Variants in DLGAP1 observed in about 807,000 individuals in gnomAD.
DLGAP1 encodes disks large-associated protein 1.
DLGAP1 carries 11 observed loss-of-function variants against 90.8 expected under a neutral mutation model. The observed-to-expected ratio is 0.12, with a 90% CI of 0.08 to 0.20. The LOEUF (loss-of-function observed/expected upper bound fraction) is 0.20, where lower values mean the gene tolerates loss of function less well. Among genes scored for constraint, DLGAP1 ranks in the 10% least tolerant of loss-of-function variants. The pLI is 1.00. For synonymous variants in DLGAP1, 558 were observed against 540.7 expected (o/e 1.03, Z -0.44); for missense variants, 1,050 against 1,333.8 (o/e 0.79, Z 3.31).
intron 4 of DLGAP1, among the ~76,000 whole-genome samples, chr18:3,836,448 G>C (rs2148600002): frequency 6.6e-6 from 1 of 152,282 alleles, no homozygotes; most frequent in South Asian, 2.1e-4. Context: ...TTTCCTCTGA[G>C]CACTCATCAA....
Position 4,331,158 on chromosome 18 carries a change from G to A in DLGAP1, c.-267+123848C>T, listed in dbSNP as rs1448934088. 1.3e-5 allele frequency among the ~76,000 whole-genome samples: 2 copies of A among 151,708 alleles called. 1 individual carries two copies. Among genetic ancestry groups the A allele is most frequent in the African/African-American group, 4.9e-5 (2 of 41,088 alleles). On this transcript the variant is annotated intron_variant, in intron 1 of 12. Coordinates refer to ENST00000315677, the MANE Select transcript of DLGAP1 (RefSeq NM_004746.4). ...ATTTGACATTAACAAAGCCATCCTA[G>A]CTCTCTTTTGATTACTGCTTGTGTG... is the stretch of plus-strand genomic sequence containing the variant.
Position 3,630,409 on chromosome 18 carries a change from C to A in DLGAP1, c.1592-48161G>T, listed in dbSNP as rs146289496. Among the ~76,000 whole-genome samples, 194 of 152,220 alleles carry A rather than the reference C, an allele frequency of 1.3e-3. 4 individuals are homozygous for A. The highest frequency in any genetic ancestry group is 3.6e-3 in the African/African-American group (150 of 41,540). On this transcript the variant is annotated intron_variant, in intron 7 of 12. Transcript: ENST00000315677. Reference sequence around the variant, plus strand: ...CTCCTGGATTCAAGCTGGAAGTACACATCAGGTCTCCTGGGTCCTCAGCTT... The same window carrying A: ...CTCCTGGATTCAAGCTGGAAGTACAAATCAGGTCTCCTGGGTCCTCAGCTT...
chr18:4,427,187 G>A (rs1007014146), intron 1 of DLGAP1, among the ~76,000 whole-genome samples: 2 of 152,226 alleles, frequency 1.3e-5, no homozygotes, highest in African/African-American at 2.4e-5. Context: ...CAGAGAGACT[G>A]TTCCCGTGTG....
At chr18:4,116,061 T>C (rs1003856477) in intron 2 of DLGAP1, among the ~76,000 whole-genome samples, 2 of 152,208 alleles carry the variant, frequency 1.3e-5, no homozygotes, top group Non-Finnish European at 1.5e-5. Flanking sequence ...CTCTCTTTAG[T>C]ATTTCTTGTA....
chr18:4,227,066 C>T (rs565704507), intron 1 of DLGAP1, among the ~76,000 whole-genome samples: 83 of 151,886 alleles, frequency 5.5e-4, no homozygotes, highest in Non-Finnish European at 1.0e-3. Flanking sequence ...GCTATACTTA[C>T]ATCATAATAG....
intron 1 of DLGAP1, among the ~76,000 whole-genome samples, chr18:4,235,880 C>T (rs1006907912): frequency 1.3e-5 from 2 of 152,044 alleles, no homozygotes; most frequent in Admixed American, 6.6e-5. Flanking sequence ...CATGCGCCAC[C>T]ATGCCTGGCT....
chr18:3,566,462 T>TAC (rs1389348232), intron 9 of DLGAP1, among the ~76,000 whole-genome samples: 1 of 151,868 alleles, frequency 6.6e-6, no homozygotes, highest in Non-Finnish European at 1.5e-5. Context: ...ATGATATATA[T>TAC]ACACACCTCT....
intron 1 of DLGAP1, among the ~76,000 whole-genome samples, chr18:4,332,357 T>C (rs1316038113): frequency 6.6e-6 from 1 of 151,974 alleles, no homozygotes; most frequent in Non-Finnish European, 1.5e-5. Flanking sequence ...GGATTTATTA[T>C]TTCAGTAAAG....
At chr18:4,403,033 C>G (rs2082589283) in intron 1 of DLGAP1, among the ~76,000 whole-genome samples, 1 of 152,118 alleles carries the variant, frequency 6.6e-6, no homozygotes, top group Non-Finnish European at 1.5e-5. Flanking sequence ...TAAAGATATT[C>G]TTACCATTTC....
intron 1 of DLGAP1, among the ~76,000 whole-genome samples, chr18:4,325,282 C>T (rs1489990489): frequency 1.3e-5 from 2 of 152,062 alleles, no homozygotes; most frequent in South Asian, 4.1e-4. Flanking sequence ...GAATAAAATA[C>T]CTAGTACTAC....
rs2056205613 is a variant in DLGAP1 at position 3,590,988 on chromosome 18, G to T, written c.1592-8740C>A. ...AAACAAAACAAAACAAAAATTATGG[G>T]TTTGTTTTTTGTATGTCTTAAAAAA... On this transcript the variant is annotated intron_variant, in intron 7 of 12. Coordinates refer to ENST00000315677, the MANE Select transcript of DLGAP1 (RefSeq NM_004746.4). Among the ~76,000 whole-genome samples, 3 of 152,064 alleles carry T rather than the reference G, an allele frequency of 2.0e-5. No homozygotes were observed. The South Asian group carries it at 6.2e-4, about 32-fold the overall frequency.
chr18:3,600,877 T>A (rs375264596), intron 7 of DLGAP1, among the ~76,000 whole-genome samples: 1 of 22,416 alleles, frequency 4.5e-5, no homozygotes, highest in South Asian at 1.2e-3. Flanking sequence ...TATATAGATA[T>A]ATAGATAGAT....
chr18:3,572,677 T>C (rs1180436265), intron 8 of DLGAP1, among the ~76,000 whole-genome samples: 1 of 152,214 alleles, frequency 6.6e-6, no homozygotes. Context: ...CTCAAACTCC[T>C]GATCTCAAGT....
intron 1 of DLGAP1, among the ~76,000 whole-genome samples, chr18:4,449,263 G>T (rs1218907257): frequency 2.0e-5 from 3 of 152,124 alleles, no homozygotes; most frequent in Admixed American, 1.3e-4. Context: ...ACAGGAGTTT[G>T]TTTTTTCTTT....
chr18:4,114,869 A>C (rs970980819), intron 2 of DLGAP1, among the ~76,000 whole-genome samples: 1 of 152,026 alleles, frequency 6.6e-6, no homozygotes, highest in Non-Finnish European at 1.5e-5. Flanking sequence ...TCCTGTAGAG[A>C]GTATATAGTT....
chr18:4,120,747 CGT>C lies in DLGAP1; in HGVS notation c.-159+30431_-159+30432del, dbSNP rs1568407924. Among the ~76,000 whole-genome samples the C allele has an allele frequency of 4.2e-4, 64 of 151,220 alleles. 1 individual carries two copies. Among genetic ancestry groups the C allele is most frequent in the Non-Finnish European group, 7.4e-4 (50 of 67,668 alleles). On this transcript the variant is annotated intron_variant, in intron 2 of 12. Coordinates refer to ENST00000315677, the MANE Select transcript of DLGAP1 (RefSeq NM_004746.4). The stretch of plus-strand genomic sequence containing the variant: ...CCCTTCCTTCCCTTCTCCCTCCCTC[CGT>C]CCTGCCATCCTCCTCCCTTTCTCTT...
chr18:4,299,079 T>C (rs1407025500), intron 1 of DLGAP1, among the ~76,000 whole-genome samples: 1 of 97,344 alleles, frequency 1.0e-5, no homozygotes, highest in Admixed American at 1.2e-4. Context: ...AGACTCTGTC[T>C]CAAGACAAAA....
chr18:3,601,057 T>A (rs1156905753), intron 7 of DLGAP1, among the ~76,000 whole-genome samples: 1 of 140,872 alleles, frequency 7.1e-6, no homozygotes, highest in African/African-American at 2.8e-5. Flanking sequence ...TAGATAGATA[T>A]ATAGATATAT....
intron 6 of DLGAP1, among the ~76,000 whole-genome samples, chr18:3,736,408 TG>T (rs2062640264): frequency 1.3e-5 from 2 of 152,184 alleles, no homozygotes; most frequent in African/African-American, 4.8e-5. Flanking sequence ...CTTTTACTGC[TG>T]TGAGTAATAA....
Sources: allele counts gnomAD v4.1 joint callset (sites outside exome capture counted in the v4.1 genomes callset), GRCh38; gene constraint gnomAD v4.1.1; transcripts MANE v1.5; gene names NCBI Gene and HGNC (gene_info 2026-07-23, HGNC 2026-07-21).